The following ADGRL3 variants were observed in gnomAD, a reference collection of about 807,000 sequenced individuals.
ADGRL3 encodes the protein adhesion G protein-coupled receptor L3, also known as calcium-independent alpha-latrotoxin receptor 3.
In ADGRL3, 62 loss-of-function variants were observed where a neutral mutation model predicts 153.5. The ratio of observed to expected loss-of-function variants is 0.40; its 90% CI spans 0.33 to 0.50. The LOEUF is 0.50. Among genes scored for constraint, ADGRL3 ranks in the 20% least tolerant of loss-of-function variants. ADGRL3 has a pLI of 0.47. For missense variants in ADGRL3, 1,641 were observed against 1,859.4 expected, an observed-to-expected ratio of 0.88 and a Z score of 2.16; for synonymous variants, 710 against 672.5, an observed-to-expected ratio of 1.06 and a Z score of -0.86.
chr4:61,628,743 G>A (rs1022854452), intron 5 of ADGRL3, among the ~76,000 whole-genome samples: 1 of 152,050 alleles, frequency 6.6e-6, no homozygotes, highest in Non-Finnish European at 1.5e-5. Context: ...TCAAAGAGAG[G>A]GCTGTAAAGA....
chr4:61,966,573 G>GGTGTGTGTGTGT (rs5858746), intron 17 of ADGRL3, among the ~76,000 whole-genome samples: 122 of 146,034 alleles, frequency 8.4e-4, no homozygotes, highest in African/African-American at 2.6e-3. Flanking sequence ...TTTCAAAAGG[G>GGTGTGTGTGTGT]GTGTGTGTGT....
At chr4:61,213,915 A>C (rs937861091) in intron 1 of ADGRL3, among the ~76,000 whole-genome samples, 2 of 152,062 alleles carry the variant, frequency 1.3e-5, no homozygotes, top group African/African-American at 4.8e-5. Context: ...GTAAATAATC[A>C]TTTGACTTTT....
chr4:61,431,282 G>A (rs1312732392), intron 2 of ADGRL3, among the ~76,000 whole-genome samples: 1 of 152,066 alleles, frequency 6.6e-6, no homozygotes, highest in African/African-American at 2.4e-5. Context: ...TATAAAATAG[G>A]ACCAACCAAG....
intron 1 of ADGRL3, among the ~76,000 whole-genome samples, chr4:61,285,749 C>T (rs1008190526): frequency 1.3e-5 from 2 of 151,798 alleles, no homozygotes; most frequent in African/African-American, 4.8e-5. Flanking sequence ...GCTCTCCTTA[C>T]AGGCCTGTGA....
chr4:61,339,462 A>G lies in ADGRL3; in HGVS notation c.-239-43662A>G, dbSNP rs116543177. ...TAGAAACTGAGGAAAATATGAACAG[A>G]ATAAGTGAGCTGGCATTGGATTTGG... On this transcript the variant is annotated intron_variant, in intron 1 of 26. Transcript: ENST00000683033. Among the ~76,000 whole-genome samples, 778 of 152,278 alleles carry G rather than the reference A, an allele frequency of 5.1e-3. 7 individuals are homozygous for G. The highest frequency in any genetic ancestry group is 0.018 in the African/African-American group (736 of 41,564).
intron 8 of ADGRL3, among the ~76,000 whole-genome samples, chr4:61,770,755 A>G (rs945948772): frequency 2.0e-5 from 3 of 152,224 alleles, no homozygotes; most frequent in African/African-American, 7.2e-5. Flanking sequence ...TACCTATCAA[A>G]TTACATTATC....
intron 5 of ADGRL3, among the ~76,000 whole-genome samples, chr4:61,612,443 T>C (rs2091476907): frequency 6.6e-6 from 1 of 152,180 alleles, no homozygotes; most frequent in South Asian, 2.1e-4. Context: ...TGTTTTGTCC[T>C]GAAAATATAC....
At position 61,733,155 on chromosome 4, in the gene ADGRL3, G is replaced by T. The variant is rs2151823809; in HGVS notation, c.1000G>T (p.Ala334Ser). 2 of 1,613,154 alleles carry T rather than the reference G, an allele frequency of 1.2e-6. No individual in the cohort carries two copies. Among genetic ancestry groups the T allele is most frequent in the Non-Finnish European group, 1.7e-6 (2 of 1,179,596 alleles). The change falls in exon 8 of 27, where the codon GCA (alanine) becomes TCA (serine). Residue 334 changes from alanine to serine, a missense_variant. Physicochemically the swap from Ala to Ser is moderately conservative, Grantham distance 99. Coordinates refer to ENST00000683033, the MANE Select transcript of ADGRL3 (RefSeq NM_001387552.1). Reference protein sequence around the residue: ...RWGGKSDIDLAVDENGLWVIY... With the variant: ...RWGGKSDIDLSVDENGLWVIY... ...GGGAGGCAAATCTGACATAGACCTGGCAGTAGATGAGAATGGGCTATGGGT... is the reference window on the plus strand; with the variant it reads ...GGGAGGCAAATCTGACATAGACCTGTCAGTAGATGAGAATGGGCTATGGGT...
At chr4:61,727,645 A>G (rs951943446) in intron 6 of ADGRL3, among the ~76,000 whole-genome samples, 4 of 152,070 alleles carry the variant, frequency 2.6e-5, no homozygotes, top group African/African-American at 4.8e-5. Context: ...TTTTTTGCCA[A>G]TATAACCCAC....
chr4:61,636,831 T>C (rs1191354953), intron 5 of ADGRL3, among the ~76,000 whole-genome samples: 1 of 151,328 alleles, frequency 6.6e-6, no homozygotes, highest in Non-Finnish European at 1.5e-5. Flanking sequence ...AATATACATA[T>C]ATTTTTAGTT....
chr4:61,288,938 G>A (rs1049659856), intron 1 of ADGRL3, among the ~76,000 whole-genome samples: 1 of 151,594 alleles, frequency 6.6e-6, no homozygotes, highest in African/African-American at 2.4e-5. Flanking sequence ...CCTCAACCAG[G>A]GCACTAATCG....
chr4:62,037,110 A>T (rs1259788439), intron 23 of ADGRL3, among the ~76,000 whole-genome samples: 1 of 152,142 alleles, frequency 6.6e-6, no homozygotes, highest in Non-Finnish European at 1.5e-5. Context: ...CAATCTTTTG[A>T]ATTTTTGTTC....
intron 9 of ADGRL3, among the ~76,000 whole-genome samples, chr4:61,830,480 C>A (rs1184751705): frequency 6.6e-6 from 1 of 152,178 alleles, no homozygotes; most frequent in Non-Finnish European, 1.5e-5. Flanking sequence ...CAGAACTCCA[C>A]CATGTCTATA....
intron 13 of ADGRL3, among the ~76,000 whole-genome samples, chr4:61,920,396 G>A (rs1298789559): frequency 1.3e-5 from 2 of 152,174 alleles, no homozygotes; most frequent in African/African-American, 2.4e-5. Flanking sequence ...ATTTTAAAGT[G>A]CAATTTACAG....
chr4:61,761,958 C>G (rs2096918192), intron 8 of ADGRL3, among the ~76,000 whole-genome samples: 1 of 152,076 alleles, frequency 6.6e-6, no homozygotes, highest in Non-Finnish European at 1.5e-5. Flanking sequence ...AATAAACAAA[C>G]AAATAAATAA....
chr4:61,354,654 A>T (rs2096126897), intron 1 of ADGRL3, among the ~76,000 whole-genome samples: 1 of 152,052 alleles, frequency 6.6e-6, no homozygotes, highest in South Asian at 2.1e-4. Flanking sequence ...TAAGATACAT[A>T]AAATTTTCAA....
chr4:61,389,750 C>G (rs1356942809), intron 2 of ADGRL3, among the ~76,000 whole-genome samples: 1 of 152,172 alleles, frequency 6.6e-6, no homozygotes, highest in Non-Finnish European at 1.5e-5. Flanking sequence ...GCTTATTCCT[C>G]TCTTGGAGAT....
Position 61,631,763 on chromosome 4 carries a change from AT to A in ADGRL3, c.473+44333del, listed in dbSNP as rs536151007. On this transcript the variant is annotated intron_variant, in intron 5 of 26. Coordinates refer to ENST00000683033, the MANE Select transcript of ADGRL3 (RefSeq NM_001387552.1). ...ACTCAACTAAAATAAGCTAAATTTA[AT>A]TTTTTTTTTCTTTTCTTTTTTTTCT... Among the ~76,000 whole-genome samples, 930 of 149,810 alleles carry A rather than the reference AT, an allele frequency of 6.2e-3. 11 individuals carry two copies. Among genetic ancestry groups the A allele is most frequent in the African/African-American group, 0.016 (647 of 40,828 alleles).
intron 17 of ADGRL3, among the ~76,000 whole-genome samples, chr4:61,950,740 G>A (rs1294745212): frequency 6.6e-6 from 1 of 152,190 alleles, no homozygotes; most frequent in Non-Finnish European, 1.5e-5. Flanking sequence ...GTAAAGTGTG[G>A]AGAGCTGGCA....
Sources: gnomAD v4.1 joint callset for allele counts (sites outside exome capture counted in the v4.1 genomes callset) on GRCh38, gnomAD v4.1.1 for gene constraint, MANE v1.5 for transcripts, NCBI Gene and HGNC (gene_info 2026-07-23, HGNC 2026-07-21) for gene names.